PHF8: variants seen among roughly 807,000 people sequenced by gnomAD.
PHF8 encodes histone lysine demethylase PHF8.
A neutral mutation model predicts 74.4 loss-of-function variants in PHF8; 9 were observed. The observed-to-expected ratio is 0.12, with a 90% CI of 0.07 to 0.21. The LOEUF is 0.21. Ranked by LOEUF, PHF8 falls within the 10% of genes least tolerant of loss-of-function variation. PHF8 has a pLI of 1.00. For missense variants in PHF8, 478 were observed against 816.6 expected, an observed-to-expected ratio of 0.59 and a Z score of 5.05; for synonymous variants, 311 against 316.6, an observed-to-expected ratio of 0.98 and a Z score of 0.19.
intron 15 of PHF8, among the ~76,000 whole-genome samples, chrX:53,987,555 C>T (rs1192623480): frequency 1.8e-5 from 2 of 111,370 alleles, no homozygotes; most frequent in Admixed American, 1.9e-4. Flanking sequence ...ACTAAAAATA[C>T]AAAATTAGCC....
chrX:54,014,006 A>G (rs2066022283), intron 7 of PHF8, among the ~76,000 whole-genome samples: 1 of 110,083 alleles, frequency 9.1e-6, no homozygotes, highest in African/African-American at 3.3e-5. Flanking sequence ...CCCAGGCTGG[A>G]GTGCAGTGGC....
intron 8 of PHF8, 72 bp downstream of exon 8, chrX:54,011,050 T>C: frequency 1.1e-6 from 1 of 919,481 alleles, no homozygotes; most frequent in African/African-American, 1.9e-5. Flanking sequence ...CAGATTAATA[T>C]GCTGTGGGGC....
At chrX:54,002,292 A>G in intron 9 of PHF8, 31 bp from the exon 10 acceptor site, 1 of 935,870 alleles carries the variant, frequency 1.1e-6, no homozygotes, top group South Asian at 2.0e-5. Context: ...CAACAAAAAC[A>G]AGGATTCATT....
chrX:53,948,289 CTTAT>C (rs1603300582), intron 19 of PHF8, among the ~76,000 whole-genome samples: 1 of 111,624 alleles, frequency 9.0e-6, no homozygotes, highest in East Asian at 2.8e-4. Flanking sequence ...GGCGGATGTC[CTTAT>C]TTAATTTTTT....
chrX:53,994,473 A>C (rs2065716783), intron 12 of PHF8, among the ~76,000 whole-genome samples: 1 of 112,699 alleles, frequency 8.9e-6, no homozygotes, highest in Non-Finnish European at 1.9e-5. Context: ...CCTTCATCTT[A>C]TTCAAAGCAG....
intron 19 of PHF8, among the ~76,000 whole-genome samples, chrX:53,958,282 C>T (rs1219656334): frequency 9.3e-6 from 1 of 107,627 alleles, no homozygotes; most frequent in Non-Finnish European, 1.9e-5. Flanking sequence ...CCTCGTGATC[C>T]GCTCACCCTG....
In PHF8 at chrX:53,938,929, C is replaced by A; in HGVS notation, c.*229G>T. 2.0e-6 allele frequency: 2 copies of A among 977,608 alleles called. No homozygotes were observed. The highest frequency in any genetic ancestry group is 2.6e-6 in the Non-Finnish European group (2 of 778,442). The allele number at this position is 977,608 out of a possible 1,213,427, so 80.6% of individuals were successfully genotyped here. ...GGTTCTAGTCAGCTGGAAACCTCTC[C>A]CATTTACCTGCTCCTCAGTGGAGAA... On this transcript the variant is annotated 3_prime_UTR_variant, in exon 22 of 22. Transcript: ENST00000338154.
intron 2 of PHF8, among the ~76,000 whole-genome samples, chrX:54,031,623 T>G (rs1344272846): frequency 1.8e-5 from 2 of 109,571 alleles, no homozygotes; most frequent in Non-Finnish European, 3.8e-5. Flanking sequence ...CCTTTTGTGA[T>G]CCCCTCAGTC....
At chrX:54,017,462 G>C (rs180805615) in intron 5 of PHF8, among the ~76,000 whole-genome samples, 199 bp downstream of exon 5, 97 of 111,944 alleles carry the variant, frequency 8.7e-4, no homozygotes, top group Non-Finnish European at 4.1e-4. Flanking sequence ...AAACGAATGA[G>C]TGAATGCATG....
chrX:53,943,472 T>G (rs1361304628), intron 20 of PHF8: 30 of 1,001,661 alleles, frequency 3.0e-5, no homozygotes, highest in Non-Finnish European at 3.9e-5. Context: ...ACACATTATA[T>G]ATGGAAGCAA....
intron 19 of PHF8, 73 bp from the exon 20 acceptor site, chrX:53,944,316 A>G (rs1186272885): frequency 4.5e-5 from 34 of 751,481 alleles, no homozygotes; most frequent in Non-Finnish European, 6.3e-5. Flanking sequence ...CCTACCTCCA[A>G]GCTCTCCAAA....
In PHF8 at chrX:53,962,717, A is replaced by G. The variant is rs1043054961; in HGVS notation, c.2539+127T>C. 40 of 529,694 alleles carry G rather than the reference A, an allele frequency of 7.6e-5. No homozygotes were observed. In the Admixed American group the frequency reaches 1.0e-3, roughly 13 times the overall value. 43.7% of individuals were successfully genotyped at this position (529,694 alleles called of 1,213,427 possible). A position where few individuals can be genotyped will look rare whatever the true frequency, so the allele number is the denominator to read the frequency against. ...AGTGCCTGACACACAGCAGACACTCAACAAATGTTTGCTGAATAAACAAAT... is the reference window on the plus strand; with the variant it reads ...AGTGCCTGACACACAGCAGACACTCGACAAATGTTTGCTGAATAAACAAAT... On this transcript the variant is annotated intron_variant, in intron 19 of 21. Transcript: ENST00000338154.
At position 53,992,765 on chromosome X, in the gene PHF8, G is replaced by A. The variant is rs1557101740; in HGVS notation, c.1701C>T (p.Ser567=). 8.3e-7 allele frequency: 1 copy of A among 1,197,887 alleles called. No homozygotes were observed. Among genetic ancestry groups the A allele is most frequent in the Non-Finnish European group, 1.1e-6 (1 of 884,140 alleles). The part of the protein sequence containing the change: ...SPDLDLDGNE[S]PLALLMSNGS... ...CGTTAGACATCAATAGGGCCAATGG[G>A]CTCTCATTTCCATCAAGGTCCAAGT... The change falls in exon 14 of 22, where the codon AGC becomes AGT. Residue 567 remains serine (S), a synonymous_variant. Transcript: ENST00000338154.
intron 18 of PHF8, among the ~76,000 whole-genome samples, chrX:53,977,028 A>G (rs972035842): frequency 8.9e-5 from 10 of 112,823 alleles, no homozygotes; most frequent in Non-Finnish European, 3.7e-5. Flanking sequence ...TGAAAATTCT[A>G]TATCTACTAA....
At chrX:53,985,680 C>T (rs1265414184) in intron 17 of PHF8, 136 bp downstream of exon 17, 1 of 1,081,291 alleles carries the variant, frequency 9.2e-7, no homozygotes, top group Non-Finnish European at 1.3e-6. Context: ...ATTCTTTCAC[C>T]CAAATGCCCT....
At chrX:54,019,787 C>CAAAAAAAAA (rs781792263) in intron 4 of PHF8, among the ~76,000 whole-genome samples, 5 of 27,689 alleles carry the variant, frequency 1.8e-4, no homozygotes, top group Non-Finnish European at 2.7e-4. Context: ...GACACCGCCT[C>CAAAAAAAAA]AAAAAAAAAA....
At chrX:54,010,274 G>A (rs1479553391) in intron 8 of PHF8, among the ~76,000 whole-genome samples, 2 of 111,200 alleles carry the variant, frequency 1.8e-5, no homozygotes, top group African/African-American at 6.5e-5. Context: ...ACAGTGAGAC[G>A]AGATCGCATC....
intron 18 of PHF8, among the ~76,000 whole-genome samples, chrX:53,977,789 G>A (rs1380432880): frequency 9.2e-6 from 1 of 108,145 alleles, no homozygotes; most frequent in East Asian, 2.9e-4. Context: ...TGGGACTACA[G>A]GCGCCCGACA....
At chrX:53,961,114 C>T (rs1389738631) in intron 19 of PHF8, among the ~76,000 whole-genome samples, 4 of 107,031 alleles carry the variant, frequency 3.7e-5, no homozygotes, top group Non-Finnish European at 7.7e-5. Flanking sequence ...CTCCGCTTTC[C>T]GAGGTTCAAG....
Sources: gnomAD v4.1 joint callset for allele counts (sites outside exome capture counted in the v4.1 genomes callset) on GRCh38, gnomAD v4.1.1 for gene constraint, MANE v1.5 for transcripts, NCBI Gene and HGNC (gene_info 2026-07-23, HGNC 2026-07-21) for gene names.